Variants in ACOT12 observed in about 807,000 individuals in gnomAD.
ACOT12 encodes the protein acetyl-coenzyme A thioesterase.
Under a neutral mutation model 67.7 loss-of-function variants are expected in ACOT12, and 51 were observed. That is an observed-to-expected ratio of 0.75 (90% CI 0.60 to 0.95). ACOT12 has a LOEUF of 0.95. Among genes scored for constraint, ACOT12 ranks in the 40% least tolerant of loss-of-function variants. The pLI is 0.00. For synonymous variants in ACOT12, 251 were observed against 244.6 expected (o/e 1.03, Z -0.24); for missense variants, 734 against 708.1 (o/e 1.04, Z -0.41).
intron 12 of ACOT12, 34 bp from the exon 13 acceptor site, chr5:81,332,639 T>A: frequency 6.2e-7 from 1 of 1,611,392 alleles, no homozygotes; most frequent in Non-Finnish European, 8.5e-7. Flanking sequence ...GCAGGTATAC[T>A]TTCTACCTGC....
the ACOT12 span, among the ~76,000 whole-genome samples, chr5:81,318,935 G>A: frequency 6.6e-6 from 1 of 152,154 alleles, no homozygotes; most frequent in Non-Finnish European, 1.5e-5. Flanking sequence ...TTGGGGGAGA[G>A]CTCCAATTCC....
chr5:81,323,026 G>A, the ACOT12 span, among the ~76,000 whole-genome samples: 1 of 146,224 alleles, frequency 6.8e-6, no homozygotes, highest in Admixed American at 6.9e-5. Context: ...ATCCTGAGGT[G>A]AGAGAATAGA....
chr5:81,329,472 G>A (rs751697672), downstream of ACOT12, among the ~76,000 whole-genome samples: 15 of 152,208 alleles, frequency 9.9e-5, no homozygotes, highest in Non-Finnish European at 2.2e-4. Flanking sequence ...GGCTTACCTT[G>A]TGTGAATAGA....
the ACOT12 span, among the ~76,000 whole-genome samples, chr5:81,324,475 A>G: frequency 6.6e-6 from 1 of 152,216 alleles, no homozygotes; most frequent in Admixed American, 6.5e-5. Flanking sequence ...ATAAGTACTT[A>G]AGTATACAAG....
rs1759995855 is a variant in ACOT12 at position 81,363,903 on chromosome 5, A to AAGAT, written c.259-18_259-15dup. On this transcript the variant is annotated splice_polypyrimidine_tract_variant and intron_variant, in intron 3 of 14. Transcript: ENST00000307624. The stretch of plus-strand genomic sequence containing the variant: ...CTTGATACTGATCTAAAATGAAAAA[A>AAGAT]AGATAAATAAATACACTCTTGGCCA... 6.5e-7 allele frequency: 1 copy of AAGAT among 1,550,018 alleles called. No homozygotes were observed. Among genetic ancestry groups the AAGAT allele is most frequent in the South Asian group, 1.2e-5 (1 of 81,142 alleles).
At chr5:81,373,079 G>C (rs1280470442) in intron 2 of ACOT12, among the ~76,000 whole-genome samples, 2 of 152,188 alleles carry the variant, frequency 1.3e-5, no homozygotes, top group African/African-American at 4.8e-5. Context: ...TGGCAAGATG[G>C]CCGAACAGGA....
At chr5:81,357,532 T>G (rs1251560548) in intron 5 of ACOT12, among the ~76,000 whole-genome samples, 1 of 151,984 alleles carries the variant, frequency 6.6e-6, no homozygotes, top group Non-Finnish European at 1.5e-5. Context: ...CGGGGCAAAC[T>G]GGCCAGCACC....
chr5:81,334,201 G>T (rs760371943), intron 12 of ACOT12, among the ~76,000 whole-genome samples: 7 of 152,270 alleles, frequency 4.6e-5, no homozygotes, highest in South Asian at 2.1e-4. Flanking sequence ...CGCGTGAGCC[G>T]TTTTTTCCAG....
chr5:81,330,596 T>C (rs994613211), intron 14 of ACOT12, 53 bp from the exon 15 acceptor site: 33 of 1,590,440 alleles, frequency 2.1e-5, no homozygotes, highest in Admixed American at 1.4e-4. Context: ...TTGGAGCTTT[T>C]TCAAGAAAGG....
intron 11 of ACOT12, among the ~76,000 whole-genome samples, chr5:81,338,358 T>C (rs1180269960): frequency 6.6e-6 from 1 of 152,182 alleles, no homozygotes; most frequent in African/African-American, 2.4e-5. Flanking sequence ...GGGAGTGGAC[T>C]TCCCCCTTGC....
intron 3 of ACOT12, among the ~76,000 whole-genome samples, chr5:81,366,353 G>A (rs1231102478): frequency 6.6e-6 from 1 of 152,004 alleles, no homozygotes; most frequent in African/African-American, 2.4e-5. Flanking sequence ...TTAGGTGAAA[G>A]GTAATATAAA....
At chr5:81,325,562 G>C (rs1179119623), downstream of ACOT12, among the ~76,000 whole-genome samples, 1 of 152,150 alleles carries the variant, frequency 6.6e-6, no homozygotes, top group Non-Finnish European at 1.5e-5. Flanking sequence ...AGGAAACGGG[G>C]GGGCATGTAA....
At chr5:81,323,501 C>G in the ACOT12 span, among the ~76,000 whole-genome samples, 4 of 152,202 alleles carry the variant, frequency 2.6e-5, no homozygotes, top group African/African-American at 9.7e-5. Flanking sequence ...TGCAAAAATA[C>G]TTTTCAAGCC....
the ACOT12 span, among the ~76,000 whole-genome samples, chr5:81,318,939 C>T: frequency 6.6e-6 from 1 of 152,134 alleles, no homozygotes; most frequent in Non-Finnish European, 1.5e-5. Context: ...GGGAGAGCTC[C>T]AATTCCCCAC....
At chr5:81,370,368 G>C (rs1351433958) in intron 3 of ACOT12, among the ~76,000 whole-genome samples, 1 of 152,214 alleles carries the variant, frequency 6.6e-6, no homozygotes, top group Non-Finnish European at 1.5e-5. Flanking sequence ...TGTTATAACT[G>C]AACTGTGTTC....
intron 1 of ACOT12, among the ~76,000 whole-genome samples, chr5:81,386,275 G>A (rs1395604799): frequency 6.6e-6 from 1 of 152,190 alleles, no homozygotes; most frequent in East Asian, 1.9e-4. Context: ...AGCGGTATGG[G>A]AAACCCCGAG....
chr5:81,372,151 T>C (rs915351977), intron 2 of ACOT12, among the ~76,000 whole-genome samples: 5 of 152,222 alleles, frequency 3.3e-5, no homozygotes, highest in African/African-American at 1.2e-4. Context: ...CACCAGCAAA[T>C]CTATACAGCT....
chr5:81,323,357 T>C, the ACOT12 span, among the ~76,000 whole-genome samples: 9 of 152,208 alleles, frequency 5.9e-5, no homozygotes, highest in Non-Finnish European at 1.3e-4. Context: ...TCAGTTTGGG[T>C]TCGGCTGATC....
chr5:81,348,101 A>G (rs967634734), intron 5 of ACOT12, among the ~76,000 whole-genome samples, 171 bp from the exon 6 acceptor site: 2 of 152,224 alleles, frequency 1.3e-5, no homozygotes, highest in Non-Finnish European at 2.9e-5. Flanking sequence ...TCTTATCTTA[A>G]TGGTGAATAT....
Sources: gnomAD v4.1 joint callset for allele counts (sites outside exome capture counted in the v4.1 genomes callset) on GRCh38, gnomAD v4.1.1 for gene constraint, MANE v1.5 for transcripts, NCBI Gene and HGNC (gene_info 2026-07-23, HGNC 2026-07-21) for gene names.